Variants in AGK observed in about 807,000 individuals in gnomAD.
AGK encodes the protein acylglycerol kinase, also known as acylglycerol kinase, mitochondrial.
Under a neutral mutation model 66.4 loss-of-function variants are expected in AGK, and 52 were observed. The ratio of observed to expected loss-of-function variants is 0.78; its 90% CI spans 0.63 to 0.99. The LOEUF (loss-of-function observed/expected upper bound fraction) is 0.99. Among genes scored for constraint, AGK ranks in the 50% least tolerant of loss-of-function variants. The pLI, the probability that AGK is intolerant of heterozygous loss-of-function variation, is 0.00. For missense variants in AGK, 451 were observed against 506.6 expected (o/e 0.89, Z 1.05); for synonymous variants, 182 against 181.1 (o/e 1.00, Z -0.04).
chr7:141,564,956 A>T (rs57802970), intron 2 of AGK, among the ~76,000 whole-genome samples: 1 of 151,952 alleles, frequency 6.6e-6, no homozygotes, highest in Non-Finnish European at 1.5e-5. Flanking sequence ...TGAACTCCCA[A>T]CCTCAGGTGA....
At chr7:141,573,359 T>A (rs372495868) in intron 2 of AGK, among the ~76,000 whole-genome samples, 21 of 150,962 alleles carry the variant, frequency 1.4e-4, no homozygotes, top group Non-Finnish European at 2.1e-4. Flanking sequence ...TTTCTTCTTT[T>A]AAAAAAAAAA....
rs1797603747 is a variant in AGK, at chr7:141,653,053, C to T, written c.*129C>T. On this transcript the variant is annotated 3_prime_UTR_variant, in exon 16 of 16. Coordinates refer to ENST00000649286, the MANE Select transcript of AGK (RefSeq NM_018238.4). ...GGGCATTTTCATGGCAAGTACCCCT[C>T]TGCCCCCACTCCAGCAGTGCTTCCC... 1.9e-6 allele frequency: 2 copies of T among 1,077,722 alleles called. No homozygotes were observed. The highest frequency in any genetic ancestry group is 2.3e-4 in the Middle Eastern group (1 of 4,426). 66.8% of individuals were successfully genotyped at this position (1,077,722 alleles called of 1,614,324 possible).
At chr7:141,563,241 A>G (rs948023510) in intron 2 of AGK, among the ~76,000 whole-genome samples, 13 of 152,212 alleles carry the variant, frequency 8.5e-5, no homozygotes, top group African/African-American at 3.1e-4. Flanking sequence ...TGCAATGCAC[A>G]TTAGCCCTGC....
Position 141,591,391 on chromosome 7 carries a change from C to CCTATCT in AGK, c.102-1755_102-1754insCTATCT, listed in dbSNP as rs1562966884. Among the ~76,000 whole-genome samples the CCTATCT allele has an allele frequency of 2.6e-5, 4 of 152,174 alleles. No individual in the cohort carries two copies. The South Asian group carries it at 8.3e-4, about 32-fold the overall frequency. ...TACAGGTGTGAGCCACTGTGCCCTG[C>CCTATCT]GGTTCTTAGGTTTCAGATTTCAGAT... On this transcript the variant is annotated intron_variant, in intron 2 of 15. Transcript: ENST00000649286.
In AGK at chr7:141,568,806, C is replaced by T. The variant is rs572983556; in HGVS notation, c.101+13239C>T. ...GGCCAGGCTGGTCTTGAACTCCTAA[C>T]CTCAAGTGATCCACCCTCCTCAGCC... is the stretch of plus-strand genomic sequence containing the variant. On this transcript the variant is annotated intron_variant, in intron 2 of 15. Coordinates refer to ENST00000649286, the MANE Select transcript of AGK (RefSeq NM_018238.4). Among the ~76,000 whole-genome samples the T allele has an allele frequency of 2.2e-4, 33 of 152,100 alleles. 1 individual carries two copies. The South Asian group carries it at 6.0e-3, about 28-fold the overall frequency.
chr7:141,628,485 C>A (rs1796987810), intron 9 of AGK, among the ~76,000 whole-genome samples: 1 of 152,256 alleles, frequency 6.6e-6, no homozygotes. Context: ...TAGATAAAGC[C>A]TGATACCACA....
chr7:141,604,234 T>C (rs1207420663), intron 5 of AGK, among the ~76,000 whole-genome samples: 1 of 151,156 alleles, frequency 6.6e-6, no homozygotes, highest in East Asian at 1.9e-4. Flanking sequence ...CTCAAACTTA[T>C]AAAAAAAATG....
At chr7:141,603,185 C>A (rs891888802) in intron 5 of AGK, among the ~76,000 whole-genome samples, 2 of 152,100 alleles carry the variant, frequency 1.3e-5, no homozygotes, top group South Asian at 2.1e-4. Context: ...TATGTCCTTA[C>A]TGATTTTTTC....
At chr7:141,590,097 T>C (rs1156324352) in intron 2 of AGK, among the ~76,000 whole-genome samples, 2 of 152,224 alleles carry the variant, frequency 1.3e-5, no homozygotes, top group African/African-American at 2.4e-5. Context: ...ATAATCAGAA[T>C]TTTACTTCTA....
In AGK at chr7:141,555,075, T is replaced by G. The variant is rs1795179068; in HGVS notation, c.-14-378T>G. Reference sequence around the variant, plus strand: ...TAGACAAATGTATACTCTTAAACAGTGGTACAGTGAGGCTGTAAGGAGTTA... The same window carrying G: ...TAGACAAATGTATACTCTTAAACAGGGGTACAGTGAGGCTGTAAGGAGTTA... On this transcript the variant is annotated intron_variant, in intron 1 of 15. Transcript: ENST00000649286. This position sits in a 1 kb window ranked among gnomAD's most constrained non-coding sequence, Gnocchi z 4.2. 6.6e-6 allele frequency among the ~76,000 whole-genome samples: 1 copy of G among 152,160 alleles called. No homozygotes were observed. Among genetic ancestry groups the G allele is most frequent in the African/African-American group, 2.4e-5 (1 of 41,416 alleles).
chr7:141,565,602 C>T (rs1395132460), intron 2 of AGK, among the ~76,000 whole-genome samples: 2 of 151,762 alleles, frequency 1.3e-5, no homozygotes, highest in Non-Finnish European at 1.5e-5. Context: ...GATCGTACCA[C>T]TGCACTGCCT....
chr7:141,581,379 C>T (rs1235404028), intron 2 of AGK, among the ~76,000 whole-genome samples: 1 of 151,784 alleles, frequency 6.6e-6, no homozygotes, highest in Non-Finnish European at 1.5e-5. Context: ...GGGTTTGGCA[C>T]CACAGGGTGG....
Position 141,652,907 on chromosome 7 carries a change from A to G in AGK, c.1252A>G (p.Thr418Ala), listed in dbSNP as rs1393217913. 1.2e-6 allele frequency: 2 copies of G among 1,614,032 alleles called. No individual in the cohort carries two copies. Among genetic ancestry groups the G allele is most frequent in the East Asian group, 4.5e-5 (2 of 44,872 alleles). Residue 418 changes from threonine (T) to alanine (A), a missense_variant, in exon 16 of 16, where the codon ACA becomes GCA. By Grantham distance (58) the Thr-to-Ala change is moderately conservative. Transcript: ENST00000649286. ...CDPRKREQML[T>A]SPTQ ...TCCTAGGAAGAGAGAACAGATGCTC[A>G]CAAGCCCCACCCAGTGAGCAGCAGA...
At chr7:141,641,596 G>A (rs1302090547) in intron 12 of AGK, among the ~76,000 whole-genome samples, 198 bp downstream of exon 12, 1 of 152,182 alleles carries the variant, frequency 6.6e-6, no homozygotes, top group Non-Finnish European at 1.5e-5. Flanking sequence ...TCTGTGCACA[G>A]TCTTTCTGTT....
chr7:141,600,120 CA>C (rs1250288888), intron 4 of AGK, among the ~76,000 whole-genome samples: 1 of 152,052 alleles, frequency 6.6e-6, no homozygotes, highest in Non-Finnish European at 1.5e-5. Flanking sequence ...TCCTTAAGGT[CA>C]AAGGATACAG....
At chr7:141,551,923 ACTC>A (rs1417408369) in intron 1 of AGK, among the ~76,000 whole-genome samples, 2 of 152,082 alleles carry the variant, frequency 1.3e-5, no homozygotes, top group Admixed American at 6.5e-5. Context: ...CCACCTGGAT[ACTC>A]CACAGGCGTG....
intron 5 of AGK, among the ~76,000 whole-genome samples, chr7:141,605,956 A>G (rs1019766634): frequency 3.3e-5 from 5 of 152,186 alleles, no homozygotes; most frequent in Non-Finnish European, 2.9e-5. Flanking sequence ...TTACACATAG[A>G]TCAGTGGTTT....
intron 14 of AGK, among the ~76,000 whole-genome samples, chr7:141,649,764 A>G (rs1357223500): frequency 6.6e-6 from 1 of 152,254 alleles, no homozygotes; most frequent in Non-Finnish European, 1.5e-5. Flanking sequence ...CTTGAGTAAG[A>G]GAATGTGTGT....
At position 141,643,622 on chromosome 7, in the gene AGK, G is replaced by T. The variant is rs116301254; in HGVS notation, c.975+1714G>T. ...AGGACTAATATAAAAAGTGAGCAAG[G>T]GGTAAGAATAGAAAATTCATAAAAG... On this transcript the variant is annotated intron_variant, in intron 13 of 15. Transcript: ENST00000649286. 2.6e-3 allele frequency among the ~76,000 whole-genome samples: 391 copies of T among 152,086 alleles called. 2 individuals carry two copies. Among genetic ancestry groups the T allele is most frequent in the African/African-American group, 9.1e-3 (377 of 41,502 alleles).
Sources: gnomAD v4.1 joint callset for allele counts (sites outside exome capture counted in the v4.1 genomes callset) on GRCh38, gnomAD v4.1.1 for gene constraint, Gnocchi (gnomAD v3.1) non-coding constraint, MANE v1.5 for transcripts, NCBI Gene and HGNC (gene_info 2026-07-23, HGNC 2026-07-21) for gene names.